ZFP37: variants seen among roughly 807,000 people sequenced by gnomAD.
ZFP37 encodes zinc finger protein 37 homolog.
A neutral mutation model predicts 52.1 loss-of-function variants in ZFP37; 38 were observed. The ratio of observed to expected loss-of-function variants is 0.73; its 90% CI spans 0.56 to 0.96. The LOEUF is 0.96. Among genes scored for constraint, ZFP37 ranks in the 40% least tolerant of loss-of-function variants. The pLI, the probability that ZFP37 is intolerant of heterozygous loss-of-function variation, is 0.00. For synonymous variants in ZFP37, 253 were observed against 259.5 expected, an observed-to-expected ratio of 0.98 and a Z score of 0.24; for missense variants, 695 against 741.4, an observed-to-expected ratio of 0.94 and a Z score of 0.73.
chr9:113,047,107 T>TA (rs376369021), intron 3 of ZFP37, among the ~76,000 whole-genome samples: 3,207 of 118,516 alleles, frequency 0.027, 40 homozygotes, highest in African/African-American at 0.04. Flanking sequence ...AGACTCCGTC[T>TA]AAAAAAAAAA....
intron 1 of ZFP37, among the ~76,000 whole-genome samples, chr9:113,053,865 G>A (rs1829098256): frequency 6.6e-6 from 1 of 152,126 alleles, no homozygotes; most frequent in Non-Finnish European, 1.5e-5. Flanking sequence ...ACTCCTGCAA[G>A]TACCTCTTTC....
At chr9:113,053,225 C>T (rs1222454904) in intron 1 of ZFP37, among the ~76,000 whole-genome samples, 3 of 152,186 alleles carry the variant, frequency 2.0e-5, no homozygotes, top group Non-Finnish European at 4.4e-5. Context: ...CTCATTGAGC[C>T]CTCTGATCCT....
In ZFP37 at chr9:113,041,527, A is replaced by C. The variant is rs1281151719; in HGVS notation, c.*1198T>G. ...AAACAGGGTGATTATTCATAAAATC[A>C]CTTTCATTCACCTGCAATCACAATT... On this transcript the variant is annotated 3_prime_UTR_variant, in exon 4 of 4. Coordinates refer to ENST00000374227, the MANE Select transcript of ZFP37 (RefSeq NM_003408.3). The C allele has an allele frequency of 6.6e-6, 1 of 152,184 alleles. No homozygotes were observed. Among genetic ancestry groups the C allele is most frequent in the Non-Finnish European group, 1.5e-5 (1 of 68,030 alleles). The allele number at this position is 152,184 out of a possible 1,614,324, so 9.4% of individuals were successfully genotyped here. A position where few individuals can be genotyped will look rare whatever the true frequency, so the allele number is the denominator to read the frequency against.
rs1208678379 is a variant in ZFP37, at chr9:113,043,855, G to A, written c.763C>T (p.His255Tyr). ...TGKKHDKLCCHSSSHIKQDKI... is the reference protein window; with the variant it reads ...TGKKHDKLCCYSSSHIKQDKI... The stretch of plus-strand genomic sequence containing the variant: ...TCCTGTTTAATATGGGATGAACTAT[G>A]ACAGCATAATTTGTCATGTTTTTTG... The change falls in exon 4 of 4, where the codon CAT becomes TAT. Residue 255 changes from histidine (H) to tyrosine (Y), a missense_variant. His to Tyr is a moderately conservative substitution (Grantham distance 83). Around this residue, in one of 2 missense-constraint regions of ZFP37, gnomAD observed 369 missense variants for 340.9 expected, o/e 1.08. Transcript: ENST00000374227. 1.9e-6 allele frequency: 3 copies of A among 1,614,012 alleles called. No individual in the cohort carries two copies. Among genetic ancestry groups the A allele is most frequent in the East Asian group, 2.2e-5 (1 of 44,868 alleles).
In ZFP37 at chr9:113,050,040, A is replaced by G; in HGVS notation, c.133-168T>C. The G allele has an allele frequency of 4.6e-6, 5 of 1,084,130 alleles. No individual in the cohort carries two copies. The South Asian group carries it at 1.0e-4, about 22-fold the overall frequency. The allele number at this position is 1,084,130 out of a possible 1,614,324, so 67.2% of individuals were successfully genotyped here. A position where few individuals can be genotyped will look rare whatever the true frequency, so the allele number is the denominator to read the frequency against. ...GATCATGATATTATAAAGGATACCT[A>G]TTCTCTACTCAATTTTTCATTATTT... On this transcript the variant is annotated intron_variant, in intron 1 of 3. Transcript: ENST00000374227.
chr9:113,043,995 T>C lies in ZFP37; in HGVS notation c.623A>G (p.His208Arg), dbSNP rs369520429. The C allele has an allele frequency of 1.2e-5, 20 of 1,613,972 alleles. No homozygotes were observed. The highest frequency in any genetic ancestry group is 1.6e-5 in the Non-Finnish European group (19 of 1,179,976). The change falls in exon 4 of 4, where the codon CAC becomes CGC. Residue 208 changes from histidine to arginine, a missense_variant. Physicochemically the swap from His to Arg is conservative, Grantham distance 29. Around this residue, in one of 2 missense-constraint regions of ZFP37, gnomAD observed 369 missense variants for 340.9 expected, o/e 1.08. Coordinates refer to ENST00000374227, the MANE Select transcript of ZFP37 (RefSeq NM_003408.3). ...TAAGCTATGGTTGAATGACTTCTTG[T>C]GTTCTTTAGCTGCATCAGATTTCCT... Reference protein sequence around the residue: ...VKRKSDAAKEHKKSFNHSLSD... With the variant: ...VKRKSDAAKERKKSFNHSLSD...
At position 113,043,007 on chromosome 9, in the gene ZFP37, T is replaced by C. The variant is rs376166758; in HGVS notation, c.1611A>G (p.Arg537=). 22 of 1,613,776 alleles carry C rather than the reference T, an allele frequency of 1.4e-5. No homozygotes were observed. The highest frequency in any genetic ancestry group is 2.2e-5 in the East Asian group (1 of 44,876). ...KQIEGLTQHQ[R]VHTGEKPYEC... is the part of the protein sequence containing the mutation. ...CATACGGTTTCTCTCCAGTATGAAC[T>C]CTCTGATGTTGAGTAAGGCCTTCAA... The change falls in exon 4 of 4, where the codon AGA becomes AGG. Residue 537 remains arginine, a synonymous_variant. Coordinates refer to ENST00000374227, the MANE Select transcript of ZFP37 (RefSeq NM_003408.3).
At chr9:113,049,658 C>A in intron 2 of ZFP37, 133 bp downstream of exon 2, 2 of 1,434,952 alleles carry the variant, frequency 1.4e-6, no homozygotes, top group Non-Finnish European at 9.3e-7. Context: ...GGCAGGGGCA[C>A]AAATATCCTG....
chr9:113,053,962 C>T (rs539902411), intron 1 of ZFP37, among the ~76,000 whole-genome samples: 1 of 152,250 alleles, frequency 6.6e-6, no homozygotes, highest in Admixed American at 6.5e-5. Flanking sequence ...CTAAAGAAAA[C>T]CCCCTCTTGA....
intron 3 of ZFP37, among the ~76,000 whole-genome samples, chr9:113,046,277 T>C (rs1828953084): frequency 6.7e-6 from 1 of 150,366 alleles, no homozygotes; most frequent in Middle Eastern, 3.5e-3. Context: ...CAGGCAGATA[T>C]ATATCTATAT....
rs547723941 is a variant in ZFP37 at position 113,039,688 on chromosome 9, CT to C, written c.*3036del. 11 of 152,074 alleles carry C rather than the reference CT, an allele frequency of 7.2e-5. No individual in the cohort carries two copies. Among genetic ancestry groups the C allele is most frequent in the Non-Finnish European group, 1.5e-4 (10 of 68,002 alleles). 9.4% of individuals were successfully genotyped at this position (152,074 alleles called of 1,614,324 possible). ...AACAGGGTTTTGTTTTGTTTGTTTG[CT>C]TTCTTTTTGTTTTGTAGACTGCTGT... On this transcript the variant is annotated 3_prime_UTR_variant, in exon 4 of 4. Coordinates refer to ENST00000374227, the MANE Select transcript of ZFP37 (RefSeq NM_003408.3).
chr9:113,047,791 T>C (rs1307500597), intron 3 of ZFP37, among the ~76,000 whole-genome samples: 1 of 152,204 alleles, frequency 6.6e-6, no homozygotes, highest in Non-Finnish European at 1.5e-5. Flanking sequence ...ACAGGGAAGA[T>C]GAAAAGAACC....
chr9:113,054,544 G>A (rs893005043), intron 1 of ZFP37, among the ~76,000 whole-genome samples: 2 of 152,124 alleles, frequency 1.3e-5, no homozygotes, highest in African/African-American at 4.8e-5. Flanking sequence ...TCTCTAGGTA[G>A]ATGTGCAATG....
At position 113,041,681 on chromosome 9, in the gene ZFP37, T is replaced by G. The variant is rs1194972523; in HGVS notation, c.*1044A>C. 6.6e-6 allele frequency: 1 copy of G among 152,158 alleles called. No homozygotes were observed. Among genetic ancestry groups the G allele is most frequent in the Non-Finnish European group, 1.5e-5 (1 of 68,026 alleles). The allele number at this position is 152,158 out of a possible 1,614,324, so 9.4% of individuals were successfully genotyped here. Reference sequence around the variant, plus strand: ...AAGTCTTTATGAATTCAACATCAAGTTTCATACTATATACTTTAGATTCAT... The same window carrying G: ...AAGTCTTTATGAATTCAACATCAAGGTTCATACTATATACTTTAGATTCAT... On this transcript the variant is annotated 3_prime_UTR_variant, in exon 4 of 4. Transcript: ENST00000374227.
Position 113,039,516 on chromosome 9 carries a change from C to G in ZFP37, c.*3209G>C, listed in dbSNP as rs1828813785. The G allele has an allele frequency of 6.6e-6, 1 of 152,022 alleles. No individual in the cohort carries two copies. Among genetic ancestry groups the G allele is most frequent in the South Asian group, 2.1e-4 (1 of 4,818 alleles). 9.4% of individuals were successfully genotyped at this position (152,022 alleles called of 1,614,324 possible). A position where few individuals can be genotyped will look rare whatever the true frequency, so the allele number is the denominator to read the frequency against. On this transcript the variant is annotated 3_prime_UTR_variant, in exon 4 of 4. Transcript: ENST00000374227. ...ACCATCTAAGTAAGCTTACTGCCTGCTTCCCATCACTATATTTAAAATTAC... is the reference window on the plus strand; with the variant it reads ...ACCATCTAAGTAAGCTTACTGCCTGGTTCCCATCACTATATTTAAAATTAC...
rs1055086530 is a variant in ZFP37 at position 113,040,129 on chromosome 9, C to G, written c.*2596G>C. 5 of 152,210 alleles carry G rather than the reference C, an allele frequency of 3.3e-5. No individual in the cohort carries two copies. Among genetic ancestry groups the G allele is most frequent in the Non-Finnish European group, 7.3e-5 (5 of 68,036 alleles). The allele number at this position is 152,210 out of a possible 1,614,324, so 9.4% of individuals were successfully genotyped here. On this transcript the variant is annotated 3_prime_UTR_variant, in exon 4 of 4. Transcript: ENST00000374227. ...TAACCTCCAATTGTATTTAGACATC[C>G]TTTCCTCATTCATCAATGCTAACTT... is the stretch of plus-strand genomic sequence containing the variant.
rs548725851 is a variant in ZFP37 at position 113,049,887 on chromosome 9, C to A, written c.133-15G>T. On this transcript the variant is annotated splice_polypyrimidine_tract_variant and intron_variant, in intron 1 of 3. Coordinates refer to ENST00000374227, the MANE Select transcript of ZFP37 (RefSeq NM_003408.3). ...TGCTTCCATTCCTTCTGGGTAAAGG[C>A]CATAGTCACATGTTTGAATGTTACT... The A allele has an allele frequency of 6.2e-7, 1 of 1,613,950 alleles. No homozygotes were observed. The highest frequency in any genetic ancestry group is 2.2e-5 in the East Asian group (1 of 44,866).
intron 1 of ZFP37, among the ~76,000 whole-genome samples, chr9:113,054,110 C>T (rs1454397864): frequency 6.6e-6 from 1 of 152,184 alleles, no homozygotes; most frequent in Non-Finnish European, 1.5e-5. Context: ...ATCCCCTTAA[C>T]TCCAATAAAA....
intron 3 of ZFP37, among the ~76,000 whole-genome samples, chr9:113,045,468 T>C (rs1293874102): frequency 2.0e-5 from 3 of 152,224 alleles, no homozygotes; most frequent in Non-Finnish European, 4.4e-5. Flanking sequence ...AATATATATT[T>C]GTTCTTTTCA....
Sources: allele counts gnomAD v4.1 joint callset (sites outside exome capture counted in the v4.1 genomes callset), GRCh38; gene constraint gnomAD v4.1.1; regional missense constraint gnomAD v4.1.1; transcripts MANE v1.5; gene names NCBI Gene and HGNC (gene_info 2026-07-23, HGNC 2026-07-21).